CD163L1: variants seen among roughly 807,000 people sequenced by gnomAD.
CD163L1 encodes CD163 molecule like 1.
Under a neutral mutation model 165.4 loss-of-function variants are expected in CD163L1, and 124 were observed. The ratio of observed to expected loss-of-function variants is 0.75; its 90% CI spans 0.65 to 0.87. The LOEUF (loss-of-function observed/expected upper bound fraction) is 0.87. Among genes scored for constraint, CD163L1 ranks in the 40% least tolerant of loss-of-function variants. CD163L1 has a pLI of 0.00. For synonymous variants in CD163L1, 585 were observed against 662.2 expected (o/e 0.88, Z 1.79); for missense variants, 1,525 against 1,799.9 (o/e 0.85, Z 2.76).
chr12:7,412,557 T>C (rs1948156654), intron 4 of CD163L1, among the ~76,000 whole-genome samples: 1 of 152,098 alleles, frequency 6.6e-6, no homozygotes, highest in African/African-American at 2.4e-5. Context: ...CACAATGATA[T>C]GGTTGTAATC....
chr12:7,347,022 G>C lies in CD163L1; in HGVS notation c.*150C>G, dbSNP rs966236367. The C allele has an allele frequency of 6.6e-6, 1 of 152,200 alleles. No homozygotes were observed. Among genetic ancestry groups the C allele is most frequent in the Non-Finnish European group, 1.5e-5 (1 of 68,054 alleles). The allele number at this position is 152,200 out of a possible 1,614,324, so 9.4% of individuals were successfully genotyped here. A position where few individuals can be genotyped will look rare whatever the true frequency, so the allele number is the denominator to read the frequency against. ...TATTCAGTGCAAAGGGATGCTCTCT[G>C]CTTACCTGCAGCAGAAAAACTGATC... On this transcript the variant is annotated 3_prime_UTR_variant, in exon 5 of 5. Transcript: ENST00000539726. The surrounding 1 kb of genome is among the most constrained non-coding windows in gnomAD (Gnocchi z 4.2).
chr12:7,335,876 AC>A, the CD163L1 span, among the ~76,000 whole-genome samples: 4 of 151,960 alleles, frequency 2.6e-5, no homozygotes, highest in South Asian at 8.3e-4. Flanking sequence ...TCAAAAGAAG[AC>A]ATTTATGCAG....
chr12:7,362,381 CAT>C (rs1356980712), intron 18 of CD163L1, among the ~76,000 whole-genome samples: 7 of 134,342 alleles, frequency 5.2e-5, no homozygotes, highest in East Asian at 2.1e-4. Context: ...TATTATATAA[CAT>C]ATAATTACAA....
chr12:7,406,408 C>T, intron 5 of CD163L1, 124 bp downstream of exon 5: 1 of 846,964 alleles, frequency 1.2e-6, no homozygotes, highest in Non-Finnish European at 1.8e-6. Context: ...TTACACATCA[C>T]AATTGGTTGT....
chr12:7,393,742 A>G (rs1947711785), intron 8 of CD163L1, among the ~76,000 whole-genome samples: 1 of 152,234 alleles, frequency 6.6e-6, no homozygotes, highest in Non-Finnish European at 1.5e-5. Context: ...TACAAAATCA[A>G]TGTTCAAAAA....
At chr12:7,385,696 C>T (rs935206689) in intron 8 of CD163L1, among the ~76,000 whole-genome samples, 35 of 151,684 alleles carry the variant, frequency 2.3e-4, no homozygotes, top group Non-Finnish European at 1.5e-4. Context: ...TGGAAATCAA[C>T]GACAAGATAA....
chr12:7,334,635 A>G, the CD163L1 span, among the ~76,000 whole-genome samples: 1 of 152,262 alleles, frequency 6.6e-6, no homozygotes. Context: ...TGGAAGTTCC[A>G]GCCAGGGCAA....
chr12:7,322,654 C>T, the CD163L1 span: 16 of 1,354,276 alleles, frequency 1.2e-5, no homozygotes, highest in Middle Eastern at 4.6e-4. Flanking sequence ...TAGAGTTTCC[C>T]GGGATACCTC....
At chr12:7,424,513 AG>A (rs1270754331) in intron 4 of CD163L1, among the ~76,000 whole-genome samples, 5 of 152,308 alleles carry the variant, frequency 3.3e-5, no homozygotes, top group East Asian at 1.9e-4. Context: ...AAAGAAATAA[AG>A]GGTATTCAAA....
Position 7,396,288 on chromosome 12 carries a change from C to T in CD163L1, c.1857G>A (p.Val619=). The T allele has an allele frequency of 6.2e-7, 1 of 1,614,160 alleles. No individual in the cohort carries two copies. Among genetic ancestry groups the T allele is most frequent in the Non-Finnish European group, 8.5e-7 (1 of 1,180,026 alleles). Residue 619 remains valine, a synonymous_variant, in exon 8 of 20, where the codon GTG becomes GTA. Coordinates refer to ENST00000313599, the MANE Select transcript of CD163L1 (RefSeq NM_174941.6). The part of the protein sequence containing the change: ...DDGWNSKAAA[V]VCSQLDCPSS... ...ATGGGCAGTCCAGCTGGCTACACACCACAGCTGCAGCTTTACTGTTCCAGC... is the reference window on the plus strand; with the variant it reads ...ATGGGCAGTCCAGCTGGCTACACACTACAGCTGCAGCTTTACTGTTCCAGC...
intron 4 of CD163L1, among the ~76,000 whole-genome samples, chr12:7,421,604 CACATATACATATATGTACATATATACAT>C (rs1948428061): frequency 1.0e-4 from 1 of 9,896 alleles, no homozygotes; most frequent in Non-Finnish European, 2.9e-4. Flanking sequence ...CATATATGTA[CACATATACATATATGTACATATATACAT>C]ATATGTACAC....
At chr12:7,319,213 C>T in the CD163L1 span, among the ~76,000 whole-genome samples, 9 of 152,138 alleles carry the variant, frequency 5.9e-5, no homozygotes, top group Non-Finnish European at 1.2e-4. Flanking sequence ...CTCACATGCA[C>T]AGTTCACAAT....
intron 8 of CD163L1, among the ~76,000 whole-genome samples, chr12:7,394,866 G>A (rs931485701): frequency 2.6e-5 from 4 of 152,280 alleles, no homozygotes; most frequent in South Asian, 2.1e-4. Flanking sequence ...CTGGCCATCC[G>A]AGAAATGCAA....
At chr12:7,406,331 C>T (rs1369148298) in intron 5 of CD163L1, among the ~76,000 whole-genome samples, 5 of 152,114 alleles carry the variant, frequency 3.3e-5, no homozygotes, top group African/African-American at 1.2e-4. Flanking sequence ...TCCCATGAGG[C>T]TTACAATGTA....
chr12:7,333,660 T>C, the CD163L1 span, among the ~76,000 whole-genome samples: 2 of 151,878 alleles, frequency 1.3e-5, no homozygotes, highest in African/African-American at 4.8e-5. Flanking sequence ...CTGAAGGAGA[T>C]AGAGACTCAA....
In CD163L1 at chr12:7,421,821, T is replaced by G. The variant is rs865852491; in HGVS notation, c.766+10595A>C. ...GGAATGGAAAACCAAACACCATATG[T>G]TCTCACTCATAAGTGGGAGCTAAGC... On this transcript the variant is annotated intron_variant, in intron 4 of 19. Coordinates refer to ENST00000313599, the MANE Select transcript of CD163L1 (RefSeq NM_174941.6). 2.6e-4 allele frequency among the ~76,000 whole-genome samples: 39 copies of G among 151,320 alleles called. No individual in the cohort carries two copies. In the Middle Eastern group the frequency reaches 0.017, roughly 67 times the overall value.
At position 7,357,377 on chromosome 12, in the gene CD163L1, T is replaced by C; in HGVS notation, c.*24+3A>G. 1 of 1,596,260 alleles carries C rather than the reference T, an allele frequency of 6.3e-7. No individual in the cohort carries two copies. Among genetic ancestry groups the C allele is most frequent in the South Asian group, 1.1e-5 (1 of 90,698 alleles). On this transcript the variant is annotated splice_donor_region_variant and intron_variant, in intron 19 of 19. Coordinates refer to ENST00000313599, the MANE Select transcript of CD163L1 (RefSeq NM_174941.6). Reference sequence around the variant, plus strand: ...TTAGTAGGAACAATACTTCTCAACTTACCTGGTGAGCCCTGGAAGTCTAAA... The same window carrying C: ...TTAGTAGGAACAATACTTCTCAACTCACCTGGTGAGCCCTGGAAGTCTAAA...
At chr12:7,324,217 C>A in the CD163L1 span, 2 of 1,594,326 alleles carry the variant, frequency 1.3e-6, no homozygotes, top group South Asian at 2.3e-5. Context: ...TAATGAGTGC[C>A]ATACCCATCT....
Position 7,355,712 on chromosome 12 carries a change from C to T in CD163L1, c.*25-582G>A, listed in dbSNP as rs1055750390. Among the ~76,000 whole-genome samples the T allele has an allele frequency of 2.3e-4, 35 of 152,144 alleles. 1 individual carries two copies. Among genetic ancestry groups the T allele is most frequent in the Non-Finnish European group, 2.2e-4 (15 of 67,988 alleles). ...AGAGGTAATTAAGGTAAAATGAGGT[C>T]ACATGGGTGAGCCCTAATCCAGTAT... On this transcript the variant is annotated intron_variant, in intron 19 of 19. Transcript: ENST00000313599.
Sources: allele counts gnomAD v4.1 joint callset (sites outside exome capture counted in the v4.1 genomes callset), GRCh38; gene constraint gnomAD v4.1.1; non-coding constraint Gnocchi (gnomAD v3.1); transcripts MANE v1.5; gene names NCBI Gene and HGNC (gene_info 2026-07-23, HGNC 2026-07-21).